Variants in EVC2 observed in about 807,000 individuals in gnomAD.
The protein encoded by EVC2 is EvC ciliary complex subunit 2, also known as limbin.
Under a neutral mutation model 149.3 loss-of-function variants are expected in EVC2, and 148 were observed. The ratio of observed to expected loss-of-function variants is 0.99; its 90% CI spans 0.87 to 1.14. EVC2 has a LOEUF of 1.14. Ranked by LOEUF, EVC2 falls within the 50% of genes most tolerant of loss-of-function variation. The probability of loss-of-function intolerance (pLI) is 0.00; values close to 1 mark genes in which losing one functional copy is unlikely to be tolerated. For synonymous variants in EVC2, 776 were observed against 649.9 expected, an observed-to-expected ratio of 1.19 and a Z score of -2.95; for missense variants, 1,854 against 1,627.3, an observed-to-expected ratio of 1.14 and a Z score of -2.40.
At chr4:5,684,345 C>T (rs954605008) in intron 6 of EVC2, among the ~76,000 whole-genome samples, 3 of 152,184 alleles carry the variant, frequency 2.0e-5, no homozygotes. Flanking sequence ...AACCACCACA[C>T]TGGCCTCGCA....
rs577316718 is a variant in EVC2 at position 5,706,172 on chromosome 4, C to G, written c.228+2114G>C. Among the ~76,000 whole-genome samples the G allele has an allele frequency of 1.8e-3, 281 of 152,000 alleles. 2 individuals carry two copies. The highest frequency in any genetic ancestry group is 6.6e-3 in the African/African-American group (275 of 41,452). On this transcript the variant is annotated intron_variant, in intron 1 of 21. Transcript: ENST00000344408. The stretch of plus-strand genomic sequence containing the variant: ...ACTGACCTTCCAGACTAAATGACCT[C>G]CTTCCTCCACCCTCTCTCACGGCTC...
At chr4:5,537,144 G>A in the EVC2 span, among the ~76,000 whole-genome samples, 1 of 152,210 alleles carries the variant, frequency 6.6e-6, no homozygotes, top group Non-Finnish European at 1.5e-5. Context: ...TGAGCCTAGA[G>A]TTGCCCCGCT....
chr4:5,545,694 T>C (rs1447471287), intron 21 of EVC2, among the ~76,000 whole-genome samples: 1 of 152,176 alleles, frequency 6.6e-6, no homozygotes, highest in Non-Finnish European at 1.5e-5. Flanking sequence ...ACCTTTCTTA[T>C]CATCCCTTGC....
intron 1 of EVC2, 41 bp from the exon 2 acceptor site, chr4:5,697,688 C>T: frequency 6.5e-7 from 1 of 1,547,536 alleles, no homozygotes; most frequent in Non-Finnish European, 8.9e-7. Flanking sequence ...GGAACACATA[C>T]TTCTGAGAAG....
chr4:5,650,739 C>T (rs1446567562), intron 9 of EVC2, among the ~76,000 whole-genome samples: 1 of 148,998 alleles, frequency 6.7e-6, no homozygotes, highest in African/African-American at 2.5e-5. Context: ...GGTAAAGAAA[C>T]TGAGGCATAG....
chr4:5,587,775 G>C (rs1465002770), intron 16 of EVC2, among the ~76,000 whole-genome samples: 1 of 152,166 alleles, frequency 6.6e-6, no homozygotes, highest in African/African-American at 2.4e-5. Flanking sequence ...AGGGGTACGT[G>C]ACTGGGGGCT....
intron 17 of EVC2, among the ~76,000 whole-genome samples, chr4:5,583,861 T>G (rs1204428106): frequency 1.9e-5 from 1 of 52,908 alleles, no homozygotes; most frequent in African/African-American, 7.9e-5. Context: ...AGAAACACAG[T>G]TTTTTTTTTT....
In EVC2 at chr4:5,679,730, C is replaced by G. The variant is rs1303950658; in HGVS notation, c.870+1530G>C. On this transcript the variant is annotated intron_variant, in intron 7 of 21. Transcript: ENST00000344408. This position sits in a 1 kb window ranked among gnomAD's most constrained non-coding sequence, Gnocchi z 5.1. Reference sequence around the variant, plus strand: ...TTTGCTGCACCTATCAACCTGTCATCTAGGTTTTAAGCCCCACATGTAATT... The same window carrying G: ...TTTGCTGCACCTATCAACCTGTCATGTAGGTTTTAAGCCCCACATGTAATT... 6.6e-6 allele frequency among the ~76,000 whole-genome samples: 1 copy of G among 152,108 alleles called. No homozygotes were observed. The highest frequency in any genetic ancestry group is 2.4e-5 in the African/African-American group (1 of 41,422).
intron 15 of EVC2, among the ~76,000 whole-genome samples, chr4:5,617,210 G>A (rs1236026518): frequency 6.6e-6 from 1 of 152,166 alleles, no homozygotes; most frequent in Non-Finnish European, 1.5e-5. Context: ...AGGAAAAGAA[G>A]TGAGTTTAAA....
At chr4:5,651,176 A>G (rs1363287003) in intron 9 of EVC2, among the ~76,000 whole-genome samples, 1 of 152,108 alleles carries the variant, frequency 6.6e-6, no homozygotes, top group African/African-American at 2.4e-5. Flanking sequence ...ATGCACGGGT[A>G]GGCGAATAGA....
chr4:5,584,847 G>A lies in EVC2; in HGVS notation c.2833C>T (p.Arg945Ter), dbSNP rs1301855639. ...QASEDLVEKVRGELLRERVQR... is the reference protein window; with the variant it reads ...QASEDLVEKV ...ACTCTCTCCCGCAGCAATTCACCTC[G>A]AACCTGGGAGGGGACAGGGATGGAC... The change falls in exon 17 of 22, where the codon CGA (arginine) becomes TGA (stop). Residue 945 changes from arginine (R) to a stop codon, truncating the protein, a stop_gained. Transcript: ENST00000344408. LOFTEE classifies it high-confidence loss of function. The A allele has an allele frequency of 1.1e-5, 18 of 1,614,008 alleles. No homozygotes were observed. Among genetic ancestry groups the A allele is most frequent in the African/African-American group, 2.7e-5 (2 of 74,912 alleles).
At chr4:5,652,148 G>A (rs919769286) in intron 9 of EVC2, among the ~76,000 whole-genome samples, 1 of 152,204 alleles carries the variant, frequency 6.6e-6, no homozygotes, top group Non-Finnish European at 1.5e-5. Context: ...AGGGATGGAC[G>A]TGAAGTTGGT....
chr4:5,625,757 G>A lies in EVC2; in HGVS notation c.2038C>T (p.Leu680=). 1.2e-6 allele frequency: 2 copies of A among 1,614,096 alleles called. No individual in the cohort carries two copies. Among genetic ancestry groups the A allele is most frequent in the East Asian group, 2.2e-5 (1 of 44,866 alleles). The change falls in exon 13 of 22, where the codon CTA becomes TTA. Residue 680 remains leucine, a synonymous_variant. Coordinates refer to ENST00000344408, the MANE Select transcript of EVC2 (RefSeq NM_147127.5). The surrounding 1 kb of genome is among the most constrained non-coding windows in gnomAD (Gnocchi z 4.0). ...KLITKRRREL[L]QKHREQRREQ... is the part of the protein sequence containing the mutation. ...CATCATGCCTTATATACCTTTTGTA[G>A]CAACTCTCGTCTTCTCTTAGTTATT...
downstream of EVC2, among the ~76,000 whole-genome samples, chr4:5,542,426 G>A (rs1391076425): frequency 6.6e-6 from 1 of 152,190 alleles, no homozygotes; most frequent in Non-Finnish European, 1.5e-5. Flanking sequence ...CTGCACTCCA[G>A]CCTGGGCAAT....
At chr4:5,603,621 G>A (rs1019679664) in intron 16 of EVC2, among the ~76,000 whole-genome samples, 35 of 152,280 alleles carry the variant, frequency 2.3e-4, no homozygotes, top group Admixed American at 1.2e-3. Context: ...AGGATGCACC[G>A]TCGCTGGCAA....
At chr4:5,587,526 G>C (rs193017069) in intron 16 of EVC2, among the ~76,000 whole-genome samples, 3 of 152,140 alleles carry the variant, frequency 2.0e-5, no homozygotes, top group African/African-American at 7.2e-5. Flanking sequence ...AGAATCTAAC[G>C]TAAGTACCCA....
intron 11 of EVC2, 117 bp from the exon 12 acceptor site, chr4:5,628,851 A>G (rs1235978843): frequency 9.1e-7 from 1 of 1,104,794 alleles, no homozygotes; most frequent in Admixed American, 2.5e-5. Context: ...GAAAAGAAAC[A>G]TGAGAATTAA....
chr4:5,683,003 C>T (rs540952331), intron 6 of EVC2, among the ~76,000 whole-genome samples: 3 of 152,316 alleles, frequency 2.0e-5, no homozygotes, highest in Admixed American at 6.5e-5. Flanking sequence ...AGCAAATCCC[C>T]GATCCATGCC....
intron 7 of EVC2, among the ~76,000 whole-genome samples, chr4:5,668,665 A>G (rs553879037): frequency 5.3e-5 from 8 of 152,376 alleles, no homozygotes; most frequent in African/African-American, 1.7e-4. Context: ...GCTAAAGATC[A>G]GCAATCTGTT....
Sources: gnomAD v4.1 joint callset for allele counts (sites outside exome capture counted in the v4.1 genomes callset) on GRCh38, gnomAD v4.1.1 for gene constraint, Gnocchi (gnomAD v3.1) non-coding constraint, MANE v1.5 for transcripts, NCBI Gene and HGNC (gene_info 2026-07-23, HGNC 2026-07-21) for gene names.